Variants in PPP3CA observed in about 807,000 individuals in gnomAD.
The protein encoded by PPP3CA is protein phosphatase 3 catalytic subunit alpha, also known as CAM-PRP catalytic subunit.
In PPP3CA, 14 loss-of-function variants were observed where a neutral mutation model predicts 66.5. That is an observed-to-expected ratio of 0.21 (90% confidence interval 0.14 to 0.33). The LOEUF (loss-of-function observed/expected upper bound fraction) is 0.33, where lower values mean the gene tolerates loss of function less well. Among genes scored for constraint, PPP3CA ranks in the 10% least tolerant of loss-of-function variants. The pLI is 1.00. For synonymous variants in PPP3CA, 232 were observed against 226.2 expected, an observed-to-expected ratio of 1.03 and a Z score of -0.23; for missense variants, 317 against 639.5, an observed-to-expected ratio of 0.50 and a Z score of 5.44.
At chr4:101,044,395 CTGTT>C (rs1403065337) in intron 10 of PPP3CA, among the ~76,000 whole-genome samples, 1 of 152,110 alleles carries the variant, frequency 6.6e-6, no homozygotes, top group African/African-American at 2.4e-5. Flanking sequence ...TGGTACTGTT[CTGTT>C]TAAGTTGTGA....
chr4:101,244,106 C>T lies in PPP3CA; in HGVS notation c.59-47990G>A, dbSNP rs1267376925. On this transcript the variant is annotated intron_variant, in intron 1 of 13. Coordinates refer to ENST00000394854, the MANE Select transcript of PPP3CA (RefSeq NM_000944.5). ...AGATCATATCTTCCAAATATTTGAA[C>T]CATGAAAGGAATATAGTAGGTATTT... 2.0e-5 allele frequency among the ~76,000 whole-genome samples: 3 copies of T among 152,020 alleles called. No homozygotes were observed. The East Asian group carries it at 5.8e-4, about 29-fold the overall frequency.
At chr4:101,222,441 G>T (rs998602556) in intron 1 of PPP3CA, among the ~76,000 whole-genome samples, 1 of 151,404 alleles carries the variant, frequency 6.6e-6, no homozygotes, top group Non-Finnish European at 1.5e-5. Context: ...TTTAGCCATT[G>T]TTTTTTTCCA....
intron 3 of PPP3CA, among the ~76,000 whole-genome samples, chr4:101,106,460 GAAAAGAAAAGAAAAGA>G (rs1560605235): frequency 4.3e-5 from 1 of 23,480 alleles, no homozygotes; most frequent in Non-Finnish European, 9.0e-5. Context: ...AAAGAGAAAA[GAAAAGAAAAGAAAAGA>G]AAAGAAAAGA....
intron 1 of PPP3CA, among the ~76,000 whole-genome samples, chr4:101,292,884 C>G (rs1181013664): frequency 6.6e-6 from 1 of 152,046 alleles, no homozygotes; most frequent in African/African-American, 2.4e-5. Flanking sequence ...ATTGTTTTTC[C>G]ACATGACAAT....
chr4:101,194,737 T>C (rs1039568752), intron 2 of PPP3CA, among the ~76,000 whole-genome samples: 4 of 151,970 alleles, frequency 2.6e-5, no homozygotes, highest in Non-Finnish European at 4.4e-5. Context: ...CAGCTAATTT[T>C]TGTATTTTTA....
At chr4:101,343,331 G>C (rs764038884) in intron 1 of PPP3CA, among the ~76,000 whole-genome samples, 37 of 152,074 alleles carry the variant, frequency 2.4e-4, no homozygotes, top group Admixed American at 7.2e-4. Context: ...ATGACCAATA[G>C]GGAATGCTAG....
At chr4:101,070,490 C>A (rs1728870797) in intron 8 of PPP3CA, among the ~76,000 whole-genome samples, 1 of 152,154 alleles carries the variant, frequency 6.6e-6, no homozygotes, top group African/African-American at 2.4e-5. Flanking sequence ...ATGGCAACTG[C>A]ATGAACTTGG....
chr4:101,235,431 T>TCACACACACA (rs57851713), intron 1 of PPP3CA, among the ~76,000 whole-genome samples: 70 of 148,262 alleles, frequency 4.7e-4, no homozygotes, highest in East Asian at 1.6e-3. Context: ...AAACATACAC[T>TCACACACACA]CACACACACA....
chr4:101,041,265 C>T (rs950439631), intron 10 of PPP3CA, among the ~76,000 whole-genome samples: 1 of 151,868 alleles, frequency 6.6e-6, no homozygotes, highest in African/African-American at 2.4e-5. Context: ...CCACTTGTTA[C>T]ATTTTCTAAA....
At chr4:101,130,126 T>C (rs1033191054) in intron 2 of PPP3CA, among the ~76,000 whole-genome samples, 1 of 151,612 alleles carries the variant, frequency 6.6e-6, no homozygotes, top group Non-Finnish European at 1.5e-5. Flanking sequence ...ACAGCCAAAT[T>C]GACCAAGCGG....
intron 2 of PPP3CA, among the ~76,000 whole-genome samples, chr4:101,176,559 T>C (rs894015968): frequency 6.6e-5 from 10 of 152,116 alleles, no homozygotes; most frequent in Non-Finnish European, 1.2e-4. Flanking sequence ...TAGTCTCTAA[T>C]TCTCTTCCAA....
Position 101,030,314 on chromosome 4 carries a change from C to T in PPP3CA, c.1340-1119G>A, listed in dbSNP as rs186957326. Among the ~76,000 whole-genome samples the T allele has an allele frequency of 5.3e-3, 802 of 152,224 alleles. 3 individuals are homozygous for T. Among genetic ancestry groups the T allele is most frequent in the Admixed American group, 9.9e-3 (151 of 15,294 alleles). Reference sequence around the variant, plus strand: ...AGCAACTGCAAAATGTGCACTATAACTTACTTACGGTGGATTCGAGATTCC... The same window carrying T: ...AGCAACTGCAAAATGTGCACTATAATTTACTTACGGTGGATTCGAGATTCC... On this transcript the variant is annotated intron_variant, in intron 12 of 13. Transcript: ENST00000394854.
intron 1 of PPP3CA, among the ~76,000 whole-genome samples, chr4:101,295,763 G>A (rs1186291280): frequency 6.6e-6 from 1 of 152,208 alleles, no homozygotes; most frequent in African/African-American, 2.4e-5. Context: ...CTACTGTCAT[G>A]AGTTAAAGAT....
At chr4:101,154,661 T>C (rs1001508871) in intron 2 of PPP3CA, among the ~76,000 whole-genome samples, 2 of 152,190 alleles carry the variant, frequency 1.3e-5, no homozygotes, top group African/African-American at 4.8e-5. Flanking sequence ...CTAATTATGA[T>C]TGAGTTTCTT....
intron 8 of PPP3CA, among the ~76,000 whole-genome samples, chr4:101,064,677 T>C (rs768454188): frequency 1.3e-5 from 2 of 152,072 alleles, no homozygotes; most frequent in South Asian, 2.1e-4. Flanking sequence ...TCGCCCTCTT[T>C]AATATGACAT....
At chr4:101,087,486 C>T (rs577900763) in intron 6 of PPP3CA, among the ~76,000 whole-genome samples, 2 of 152,262 alleles carry the variant, frequency 1.3e-5, no homozygotes, top group Admixed American at 1.3e-4. Context: ...CACCTCCTCT[C>T]TATGGGTAAC....
intron 1 of PPP3CA, among the ~76,000 whole-genome samples, chr4:101,309,232 T>C (rs999910335): frequency 6.6e-6 from 1 of 152,182 alleles, no homozygotes; most frequent in African/African-American, 2.4e-5. Flanking sequence ...TTGTCATCTA[T>C]GGAACAGAAA....
chr4:101,221,552 C>T (rs979355371), intron 1 of PPP3CA, among the ~76,000 whole-genome samples: 7 of 151,380 alleles, frequency 4.6e-5, no homozygotes, highest in Non-Finnish European at 3.0e-5. Flanking sequence ...TCTGAGAATT[C>T]CATTCACTTC....
At chr4:101,077,685 G>A (rs549381027) in intron 8 of PPP3CA, among the ~76,000 whole-genome samples, 15 of 151,992 alleles carry the variant, frequency 9.9e-5, no homozygotes, top group African/African-American at 3.1e-4. Flanking sequence ...TTTTCTCTCC[G>A]GAGAATATTT....
Sources: gnomAD v4.1 joint callset for allele counts (sites outside exome capture counted in the v4.1 genomes callset) on GRCh38, gnomAD v4.1.1 for gene constraint, MANE v1.5 for transcripts, NCBI Gene and HGNC (gene_info 2026-07-23, HGNC 2026-07-21) for gene names.